The following CDK15 variants were observed in gnomAD, a reference collection of about 807,000 sequenced individuals.
CDK15 encodes cyclin dependent kinase 15.
CDK15 carries 62 observed loss-of-function variants against 60.3 expected under a neutral mutation model. That is an observed-to-expected ratio of 1.03 (90% CI 0.84 to 1.27). The LOEUF (loss-of-function observed/expected upper bound fraction) is 1.27, where lower values mean the gene tolerates loss of function less well. Ranked by LOEUF, CDK15 falls within the 50% of genes most tolerant of loss-of-function variation. The pLI is 0.00. For synonymous variants in CDK15, 194 were observed against 195.7 expected, an observed-to-expected ratio of 0.99 and a Z score of 0.07; for missense variants, 541 against 527.8, an observed-to-expected ratio of 1.03 and a Z score of -0.25.
At chr2:201,873,938 G>A (rs1267052115) in intron 11 of CDK15, among the ~76,000 whole-genome samples, 3 of 151,864 alleles carry the variant, frequency 2.0e-5, no homozygotes, top group Admixed American at 6.6e-5. Flanking sequence ...CCTGTAGTCC[G>A]AGCTTCTCAG....
chr2:201,856,701 A>G (rs2882324), intron 10 of CDK15, among the ~76,000 whole-genome samples: 69,404 of 151,950 alleles, frequency 0.46, 18,374 homozygotes, highest in African/African-American at 0.74. Flanking sequence ...CCTAACTGAG[A>G]ATGCCAGCAG....
intron 10 of CDK15, among the ~76,000 whole-genome samples, chr2:201,862,661 C>T (rs1222943558): frequency 1.3e-5 from 2 of 152,010 alleles, no homozygotes; most frequent in African/African-American, 4.8e-5. Context: ...TGTTGTAAAC[C>T]CTACTTTACT....
intron 10 of CDK15, among the ~76,000 whole-genome samples, chr2:201,858,261 A>T (rs1230584313): frequency 6.6e-6 from 1 of 152,208 alleles, no homozygotes; most frequent in Non-Finnish European, 1.5e-5. Flanking sequence ...TTTTCTAGCC[A>T]TCAATTCAGA....
At chr2:201,853,469 G>T (rs1392872766) in intron 9 of CDK15, among the ~76,000 whole-genome samples, 1 of 152,092 alleles carries the variant, frequency 6.6e-6, no homozygotes, top group Non-Finnish European at 1.5e-5. Context: ...ATTCTTCATT[G>T]ATTATATTCA....
At chr2:201,827,318 C>T (rs114779848) in intron 6 of CDK15, among the ~76,000 whole-genome samples, 4,938 of 152,182 alleles carry the variant, frequency 0.032, 84 homozygotes, top group African/African-American at 0.047. Context: ...TGGTGGCATA[C>T]GCCTGTAGTC....
chr2:201,870,590 G>A (rs1478634825), intron 10 of CDK15, among the ~76,000 whole-genome samples: 2 of 151,070 alleles, frequency 1.3e-5, no homozygotes, highest in African/African-American at 4.9e-5. Context: ...AAAAACAGAC[G>A]TGGTGGTGTA....
At position 201,890,725 on chromosome 2, in the gene CDK15, T is replaced by A. The variant is rs1371286956; in HGVS notation, c.1199-60T>A. On this transcript the variant is annotated intron_variant, in intron 12 of 13. Coordinates refer to ENST00000652192, the MANE Select transcript of CDK15 (RefSeq NM_001366386.2). ...TGGCAAATATTACAACAGACAAAAA[T>A]ATACCACAGAAGATCCCAGGAAATA... The A allele has an allele frequency of 5.2e-6, 7 of 1,352,742 alleles. No individual in the cohort carries two copies. In the Admixed American group the frequency reaches 1.4e-4, roughly 27 times the overall value. 83.8% of individuals were successfully genotyped at this position (1,352,742 alleles called of 1,614,324 possible). A position where few individuals can be genotyped will look rare whatever the true frequency, so the allele number is the denominator to read the frequency against.
intron 10 of CDK15, among the ~76,000 whole-genome samples, chr2:201,863,380 T>G (rs1698475543): frequency 6.6e-6 from 1 of 150,542 alleles, no homozygotes; most frequent in South Asian, 2.1e-4. Context: ...CAATTTTAAT[T>G]TATTAATTAA....
intron 12 of CDK15, among the ~76,000 whole-genome samples, chr2:201,881,943 T>C (rs1361245348): frequency 2.0e-5 from 3 of 152,138 alleles, no homozygotes; most frequent in Non-Finnish European, 2.9e-5. Flanking sequence ...AAAGAAACTT[T>C]CCCCATTGGC....
rs763343769 is a variant in CDK15 at position 201,833,879 on chromosome 2, C to A, written c.638C>A (p.Ala213Glu). 6.2e-7 allele frequency: 1 copy of A among 1,613,910 alleles called. No homozygotes were observed. The change falls in exon 7 of 14, where the codon GCG becomes GAG. Residue 213 changes from alanine to glutamate, a missense_variant. Physicochemically the swap from Ala to Glu is moderately radical, Grantham distance 107. Transcript: ENST00000652192. ...ATGTTTCAACTTTTGCGGGGCCTGG[C>A]GTACATCCACCACCAACACGTTCTT... ...LFMFQLLRGL[A>E]YIHHQHVLHR...
intron 12 of CDK15, among the ~76,000 whole-genome samples, chr2:201,881,684 G>A (rs141822509): frequency 0.012 from 1,848 of 152,214 alleles, 19 homozygotes; most frequent in Non-Finnish European, 0.02. Context: ...GCATATGGGT[G>A]GAACAAAAGA....
At chr2:201,881,750 C>T (rs1257488437) in intron 12 of CDK15, among the ~76,000 whole-genome samples, 1 of 152,134 alleles carries the variant, frequency 6.6e-6, no homozygotes, top group Admixed American at 6.5e-5. Context: ...GCCCCCACTT[C>T]AGCCCCATTC....
chr2:201,813,444 C>T (rs915367154), intron 4 of CDK15, among the ~76,000 whole-genome samples: 1 of 152,070 alleles, frequency 6.6e-6, no homozygotes, highest in African/African-American at 2.4e-5. Context: ...CAGCAAAATC[C>T]CAGAGAAATG....
chr2:201,857,326 T>C (rs1182182993), intron 10 of CDK15, among the ~76,000 whole-genome samples: 3 of 151,708 alleles, frequency 2.0e-5, no homozygotes, highest in Non-Finnish European at 4.4e-5. Context: ...CAATGTGCAG[T>C]TTTTCTATAT....
chr2:201,841,612 T>C (rs1574888036), intron 8 of CDK15, among the ~76,000 whole-genome samples: 2 of 152,162 alleles, frequency 1.3e-5, no homozygotes, highest in South Asian at 4.1e-4. Flanking sequence ...TGCAACCCCA[T>C]AGGGTCCAAA....
intron 9 of CDK15, among the ~76,000 whole-genome samples, chr2:201,852,726 C>G (rs546645013): frequency 6.6e-6 from 1 of 152,264 alleles, no homozygotes; most frequent in African/African-American, 2.4e-5. Context: ...GTTTCCCAGA[C>G]AGTGAAGGAG....
intron 13 of CDK15, 79 bp downstream of exon 13, chr2:201,891,006 G>A: frequency 1.4e-6 from 1 of 717,776 alleles, no homozygotes; most frequent in Non-Finnish European, 2.4e-6. Context: ...ACATTGCTCA[G>A]GGATTCAGAG....
intron 6 of CDK15, among the ~76,000 whole-genome samples, chr2:201,825,800 C>T (rs984698899): frequency 1.3e-5 from 2 of 152,118 alleles, no homozygotes; most frequent in Non-Finnish European, 2.9e-5. Flanking sequence ...AGTTAATGTG[C>T]TGGCCAGTGG....
chr2:201,836,038 T>A (rs1379891262), intron 8 of CDK15, among the ~76,000 whole-genome samples: 1 of 95,864 alleles, frequency 1.0e-5, no homozygotes, highest in African/African-American at 3.9e-5. Flanking sequence ...ATATATATTT[T>A]ATATATATTT....
Sources: gnomAD v4.1 joint callset for allele counts (sites outside exome capture counted in the v4.1 genomes callset) on GRCh38, gnomAD v4.1.1 for gene constraint, MANE v1.5 for transcripts, NCBI Gene and HGNC (gene_info 2026-07-23, HGNC 2026-07-21) for gene names.